SGCZ: variants seen among roughly 807,000 people sequenced by gnomAD.
SGCZ encodes zeta-sarcoglycan.
A neutral mutation model predicts 41.3 loss-of-function variants in SGCZ; 40 were observed. The observed-to-expected ratio is 0.97, with a 90% confidence interval of 0.75 to 1.26. The LOEUF is 1.26. SGCZ is among the 50% of genes most tolerant of loss of function. The pLI is 0.00. For synonymous variants in SGCZ, 206 were observed against 137.5 expected (o/e 1.50, Z -3.49); for missense variants, 552 against 369.8 (o/e 1.49, Z -4.04).
At chr8:14,331,584 A>G (rs1221429365) in intron 2 of SGCZ, among the ~76,000 whole-genome samples, 1 of 152,120 alleles carries the variant, frequency 6.6e-6, no homozygotes, top group Non-Finnish European at 1.5e-5. Flanking sequence ...TGACAGACCT[A>G]GGAATTTGAC....
chr8:14,564,786 G>C (rs2117215355), intron 1 of SGCZ, among the ~76,000 whole-genome samples: 1 of 152,262 alleles, frequency 6.6e-6, no homozygotes, highest in African/African-American at 2.4e-5. Flanking sequence ...CCAACAAAAT[G>C]AGTCTCTAAA....
chr8:14,941,692 T>C (rs1800280165), intron 1 of SGCZ, among the ~76,000 whole-genome samples: 1 of 151,978 alleles, frequency 6.6e-6, no homozygotes, highest in African/African-American at 2.4e-5. Context: ...ATTTAGTATT[T>C]TTCTGAATAT....
chr8:14,656,604 TC>T (rs1807585887), intron 1 of SGCZ, among the ~76,000 whole-genome samples: 2 of 100,826 alleles, frequency 2.0e-5, no homozygotes, highest in African/African-American at 6.5e-5. Flanking sequence ...TCCTCTCCTC[TC>T]CCTCTCCTCT....
At chr8:15,101,319 A>G (rs1281978959) in intron 1 of SGCZ, among the ~76,000 whole-genome samples, 2 of 152,328 alleles carry the variant, frequency 1.3e-5, no homozygotes, top group East Asian at 3.9e-4. Context: ...AGACTGGGAG[A>G]AAACATTTTA....
At chr8:14,143,299 C>T (rs1236318957) in intron 5 of SGCZ, among the ~76,000 whole-genome samples, 1 of 152,080 alleles carries the variant, frequency 6.6e-6, no homozygotes, top group Admixed American at 6.6e-5. Context: ...ACTAAAATAG[C>T]ACTTGGATTT....
At chr8:14,107,633 G>A (rs1004555003) in intron 6 of SGCZ, among the ~76,000 whole-genome samples, 1 of 151,378 alleles carries the variant, frequency 6.6e-6, no homozygotes, top group Non-Finnish European at 1.5e-5. Context: ...TTTTGTTTTT[G>A]TATTGTGTTT....
chr8:14,613,949 T>G (rs1806013983), intron 1 of SGCZ, among the ~76,000 whole-genome samples: 1 of 152,186 alleles, frequency 6.6e-6, no homozygotes, highest in Non-Finnish European at 1.5e-5. Context: ...TTGAGTGATT[T>G]ATAGATGACA....
At chr8:14,122,800 T>A (rs1433825026) in intron 5 of SGCZ, among the ~76,000 whole-genome samples, 1 of 148,154 alleles carries the variant, frequency 6.7e-6, no homozygotes, top group African/African-American at 2.5e-5. Flanking sequence ...AAATATACTG[T>A]TCAGTATGCA....
intron 1 of SGCZ, among the ~76,000 whole-genome samples, chr8:14,886,025 A>G (rs1804788319): frequency 1.7e-5 from 2 of 118,290 alleles, no homozygotes; most frequent in Non-Finnish European, 3.6e-5. Context: ...ATATATATAT[A>G]TATATATATA....
chr8:14,460,589 C>A (rs1800873666), intron 2 of SGCZ, among the ~76,000 whole-genome samples: 1 of 152,034 alleles, frequency 6.6e-6, no homozygotes, highest in Admixed American at 6.6e-5. Flanking sequence ...TGCATAATAA[C>A]AAGAAATGTA....
At chr8:14,953,569 G>A (rs749728709) in intron 1 of SGCZ, among the ~76,000 whole-genome samples, 2 of 152,160 alleles carry the variant, frequency 1.3e-5, no homozygotes, top group African/African-American at 2.4e-5. Flanking sequence ...AAACAGGGTA[G>A]CAGAAGTGCA....
chr8:15,096,446 C>T (rs115816752), intron 1 of SGCZ, among the ~76,000 whole-genome samples: 1,726 of 152,186 alleles, frequency 0.011, 34 homozygotes, highest in African/African-American at 0.039. Context: ...TATAATTTAT[C>T]TACCAAAGGA....
At chr8:15,115,947 A>C (rs1201641108) in intron 1 of SGCZ, among the ~76,000 whole-genome samples, 1 of 152,228 alleles carries the variant, frequency 6.6e-6, no homozygotes, top group Non-Finnish European at 1.5e-5. Context: ...AGCAAACTTT[A>C]ATAGGCCACA....
At chr8:14,095,204 C>A (rs938381249) in intron 7 of SGCZ, among the ~76,000 whole-genome samples, 2 of 152,094 alleles carry the variant, frequency 1.3e-5, no homozygotes, top group Non-Finnish European at 2.9e-5. Flanking sequence ...TTTGCCCGTG[C>A]CTATGTCAAG....
chr8:14,451,206 T>G (rs759084525), intron 2 of SGCZ, among the ~76,000 whole-genome samples: 9 of 152,180 alleles, frequency 5.9e-5, no homozygotes, highest in African/African-American at 1.2e-4. Flanking sequence ...TGAAGAGTGA[T>G]GAAAACAAAA....
intron 1 of SGCZ, among the ~76,000 whole-genome samples, chr8:14,609,826 GA>G (rs200730337): frequency 4.0e-5 from 6 of 150,414 alleles, no homozygotes; most frequent in South Asian, 2.1e-4. Flanking sequence ...TTCAGAAGGA[GA>G]AAAAAAAACA....
At chr8:14,746,934 C>T (rs1208079138) in intron 1 of SGCZ, among the ~76,000 whole-genome samples, 5 of 152,136 alleles carry the variant, frequency 3.3e-5, no homozygotes, top group Non-Finnish European at 7.3e-5. Context: ...TGGAAATTTA[C>T]ATGGAATGGG....
intron 1 of SGCZ, among the ~76,000 whole-genome samples, chr8:14,795,955 T>C (rs1585267179): frequency 6.6e-6 from 1 of 152,196 alleles, no homozygotes; most frequent in Non-Finnish European, 1.5e-5. Context: ...GTTAGTTTTC[T>C]AAGGATAATG....
intron 1 of SGCZ, among the ~76,000 whole-genome samples, chr8:14,609,593 T>TAC (rs1805862322): frequency 6.6e-6 from 1 of 151,886 alleles, no homozygotes; most frequent in African/African-American, 2.4e-5. Context: ...AAAAATGCTG[T>TAC]CATGATATTC....
Sources: gnomAD v4.1 joint callset for allele counts (sites outside exome capture counted in the v4.1 genomes callset) on GRCh38, gnomAD v4.1.1 for gene constraint, MANE v1.5 for transcripts, NCBI Gene and HGNC (gene_info 2026-07-23, HGNC 2026-07-21) for gene names.